Variants in SPAG16 observed in about 807,000 individuals in gnomAD.
The protein encoded by SPAG16 is sperm associated antigen 16.
A neutral mutation model predicts 80.4 loss-of-function variants in SPAG16; 86 were observed. The observed-to-expected ratio is 1.07, with a 90% confidence interval of 0.90 to 1.28. The LOEUF (loss-of-function observed/expected upper bound fraction) is 1.28. Ranked by LOEUF, SPAG16 falls within the 50% of genes most tolerant of loss-of-function variation. The probability of loss-of-function intolerance (pLI) is 0.00; values close to 1 mark genes in which losing one functional copy is unlikely to be tolerated. For missense variants in SPAG16, 870 were observed against 765.3 expected (o/e 1.14, Z -1.61); for synonymous variants, 294 against 265.9 (o/e 1.11, Z -1.03).
Position 214,410,302 on chromosome 2 carries a change from G to A in SPAG16, c.1883G>A (p.Arg628Gln), listed in dbSNP as rs80016542. 13,181 of 1,598,342 alleles carry A rather than the reference G, an allele frequency of 8.2e-3. 979 individuals are homozygous for A. In the African/African-American group the frequency reaches 0.16, roughly 19 times the overall value. Residue 628 changes from arginine (R) to glutamine (Q), a missense_variant, in exon 16 of 16, where the codon CGA becomes CAA. Transcript: ENST00000331683. ...LFSGGSDGTV[R>Q]TWS ...TCTGGAGGCTCTGACGGCACAGTTC[G>A]AACGTGGTCTTGACCGTCAGCACAT...
At chr2:213,434,796 A>T (rs1369340744) in intron 9 of SPAG16, among the ~76,000 whole-genome samples, 1 of 152,224 alleles carries the variant, frequency 6.6e-6, no homozygotes, top group Admixed American at 6.5e-5. Context: ...TATAAAATGG[A>T]AAAAATATAA....
chr2:213,840,879 A>C (rs1008914753), intron 10 of SPAG16, among the ~76,000 whole-genome samples: 1 of 152,182 alleles, frequency 6.6e-6, no homozygotes, highest in Non-Finnish European at 1.5e-5. Flanking sequence ...GTGGAAGAAT[A>C]CTGGAAACTA....
At chr2:214,263,019 G>A (rs1443647297) in intron 15 of SPAG16, among the ~76,000 whole-genome samples, 4 of 152,086 alleles carry the variant, frequency 2.6e-5, no homozygotes, top group Non-Finnish European at 5.9e-5. Context: ...ATTATAAAAT[G>A]TAACAAGCTA....
At chr2:213,383,221 A>G (rs1352095900) in intron 9 of SPAG16, among the ~76,000 whole-genome samples, 1 of 152,190 alleles carries the variant, frequency 6.6e-6, no homozygotes, top group East Asian at 1.9e-4. Context: ...TAAACACTTT[A>G]TACATTATAA....
chr2:214,333,828 G>A (rs1697096159), intron 15 of SPAG16, among the ~76,000 whole-genome samples: 1 of 152,138 alleles, frequency 6.6e-6, no homozygotes, highest in African/African-American at 2.4e-5. Flanking sequence ...GAATTGAGAT[G>A]GAAACAACTG....
chr2:214,084,596 T>C (rs146422059), intron 13 of SPAG16, among the ~76,000 whole-genome samples: 32 of 152,304 alleles, frequency 2.1e-4, no homozygotes, highest in Middle Eastern at 3.4e-3. Context: ...GATCCTTGTA[T>C]AGATGATAAT....
intron 15 of SPAG16, among the ~76,000 whole-genome samples, chr2:214,230,208 G>A (rs767612065): frequency 5.9e-5 from 9 of 151,830 alleles, no homozygotes; most frequent in Admixed American, 1.3e-4. Flanking sequence ...TTATTGTTAC[G>A]TGATTCTAGA....
chr2:213,878,287 A>C (rs187291991), intron 11 of SPAG16, among the ~76,000 whole-genome samples: 2 of 152,250 alleles, frequency 1.3e-5, no homozygotes, highest in Admixed American at 6.5e-5. Context: ...ACTAATTTAC[A>C]TTCCCACCAA....
intron 10 of SPAG16, among the ~76,000 whole-genome samples, chr2:213,815,970 A>C (rs994418460): frequency 9.2e-5 from 14 of 152,254 alleles, no homozygotes; most frequent in South Asian, 4.1e-4. Flanking sequence ...TCACATACTC[A>C]TTAAATATTC....
At chr2:213,534,557 G>T (rs537543416) in intron 10 of SPAG16, among the ~76,000 whole-genome samples, 13 of 151,936 alleles carry the variant, frequency 8.6e-5, no homozygotes, top group Non-Finnish European at 1.8e-4. Context: ...AGGATTAAAA[G>T]GAATAAACTA....
intron 15 of SPAG16, among the ~76,000 whole-genome samples, chr2:214,169,296 TA>T (rs568420190): frequency 2.5e-4 from 38 of 152,210 alleles, no homozygotes; most frequent in Non-Finnish European, 4.3e-4. Flanking sequence ...CATTTTGTGT[TA>T]AAAAAGAACA....
chr2:214,228,002 A>G (rs1391262076), intron 15 of SPAG16, among the ~76,000 whole-genome samples: 2 of 151,926 alleles, frequency 1.3e-5, no homozygotes, highest in African/African-American at 2.4e-5. Flanking sequence ...TCTATTATGC[A>G]GGATAAATTA....
intron 15 of SPAG16, among the ~76,000 whole-genome samples, chr2:214,191,558 C>G (rs2057663903): frequency 6.6e-6 from 1 of 150,968 alleles, no homozygotes; most frequent in South Asian, 2.1e-4. Context: ...ACTAAAAATA[C>G]AAAAAATTAG....
chr2:213,793,276 A>G (rs924126131), intron 10 of SPAG16, among the ~76,000 whole-genome samples: 1 of 151,924 alleles, frequency 6.6e-6, no homozygotes, highest in East Asian at 1.9e-4. Flanking sequence ...TACTGTCAAT[A>G]TTTTGTTATT....
At chr2:213,980,725 T>TATATATATATATATATATAGAGAGAG (rs374274176) in intron 12 of SPAG16, among the ~76,000 whole-genome samples, 33 of 103,980 alleles carry the variant, frequency 3.2e-4, no homozygotes, top group African/African-American at 1.5e-3. Flanking sequence ...TATATATATA[T>TATATATATATATATATATAGAGAGAG]AGAGAGAGAG....
At chr2:213,748,710 C>G (rs954424950) in intron 10 of SPAG16, among the ~76,000 whole-genome samples, 4 of 152,072 alleles carry the variant, frequency 2.6e-5, no homozygotes, top group African/African-American at 9.7e-5. Flanking sequence ...GATATAATTA[C>G]TAATACCTAG....
At chr2:213,610,605 T>A (rs1327786195) in intron 10 of SPAG16, among the ~76,000 whole-genome samples, 1 of 152,188 alleles carries the variant, frequency 6.6e-6, no homozygotes, top group Non-Finnish European at 1.5e-5. Flanking sequence ...TTCTTGGATC[T>A]TGCGCAAGAA....
At chr2:213,685,937 C>T (rs1168414324) in intron 10 of SPAG16, among the ~76,000 whole-genome samples, 1 of 152,088 alleles carries the variant, frequency 6.6e-6, no homozygotes, top group Non-Finnish European at 1.5e-5. Flanking sequence ...TTTTCGTTAA[C>T]AGATTGAGGA....
At chr2:214,369,556 C>T (rs1699686274) in intron 15 of SPAG16, among the ~76,000 whole-genome samples, 1 of 151,956 alleles carries the variant, frequency 6.6e-6, no homozygotes, top group Admixed American at 6.6e-5. Flanking sequence ...TATTCTTCCT[C>T]GGCTCTTTTT....
Sources: gnomAD v4.1 joint callset for allele counts (sites outside exome capture counted in the v4.1 genomes callset) on GRCh38, gnomAD v4.1.1 for gene constraint, MANE v1.5 for transcripts, NCBI Gene and HGNC (gene_info 2026-07-23, HGNC 2026-07-21) for gene names.